The following PTGFRN variants were observed in gnomAD, a reference collection of about 807,000 sequenced individuals.
PTGFRN encodes the protein prostaglandin F2 receptor negative regulator.
A neutral mutation model predicts 83.2 loss-of-function variants in PTGFRN; 35 were observed. The ratio of observed to expected loss-of-function variants is 0.42; its 90% CI spans 0.32 to 0.56. The LOEUF (loss-of-function observed/expected upper bound fraction) is 0.56. Ranked by LOEUF, PTGFRN falls within the 20% of genes least tolerant of loss-of-function variation. The pLI, the probability that PTGFRN is intolerant of heterozygous loss-of-function variation, is 0.11. For synonymous variants in PTGFRN, 519 were observed against 498.6 expected (o/e 1.04, Z -0.55); for missense variants, 1,051 against 1,179.5 (o/e 0.89, Z 1.60).
Position 116,987,173 on chromosome 1 carries a change from T to G in PTGFRN, c.*206T>G. Reference sequence around the variant, plus strand: ...CACGGCTCTTCTTCCCACGGCACTTTCTGATGTAACAATCGAGTGTGTGTT... The same window carrying G: ...CACGGCTCTTCTTCCCACGGCACTTGCTGATGTAACAATCGAGTGTGTGTT... On this transcript the variant is annotated 3_prime_UTR_variant, in exon 9 of 9. Transcript: ENST00000393203. 1 of 551,044 alleles carries G rather than the reference T, an allele frequency of 1.8e-6. No homozygotes were observed. The highest frequency in any genetic ancestry group is 3.2e-6 in the Non-Finnish European group (1 of 312,414). The allele number at this position is 551,044 out of a possible 1,614,324, so 34.1% of individuals were successfully genotyped here. A position where few individuals can be genotyped will look rare whatever the true frequency, so the allele number is the denominator to read the frequency against.
chr1:116,971,856 A>G (rs1028252895), intron 6 of PTGFRN, among the ~76,000 whole-genome samples: 3 of 152,242 alleles, frequency 2.0e-5, no homozygotes, highest in African/African-American at 7.2e-5. Context: ...CAAATTAAAT[A>G]GATAATCCAT....
chr1:116,966,252 G>C (rs912215129), intron 5 of PTGFRN, among the ~76,000 whole-genome samples: 1 of 152,248 alleles, frequency 6.6e-6, no homozygotes, highest in African/African-American at 2.4e-5. Context: ...TAAAGTTAGC[G>C]TAGCCATAGA....
At chr1:116,944,639 G>A (rs538232527) in intron 2 of PTGFRN, 40 bp from the exon 3 acceptor site, 30 of 1,368,754 alleles carry the variant, frequency 2.2e-5, no homozygotes, top group Non-Finnish European at 2.7e-5. Flanking sequence ...GGCTGGGGTC[G>A]GTGTGGACGG....
In PTGFRN at chr1:116,984,994, G is replaced by A; in HGVS notation, c.2473+9G>A. On this transcript the variant is annotated intron_variant, in intron 8 of 8. Coordinates refer to ENST00000393203, the MANE Select transcript of PTGFRN (RefSeq NM_020440.4). Reference sequence around the variant, plus strand: ...AACTGTGAAGATGGATGGTAAGAATGTCACCCAAATTTCTCAGTGTTTGGG... The same window carrying A: ...AACTGTGAAGATGGATGGTAAGAATATCACCCAAATTTCTCAGTGTTTGGG... 5 of 1,608,974 alleles carry A rather than the reference G, an allele frequency of 3.1e-6. No individual in the cohort carries two copies. Among genetic ancestry groups the A allele is most frequent in the African/African-American group, 2.7e-5 (2 of 74,380 alleles).
chr1:116,970,257 T>C (rs1000913795), intron 6 of PTGFRN, among the ~76,000 whole-genome samples: 1 of 152,202 alleles, frequency 6.6e-6, no homozygotes, highest in Admixed American at 6.5e-5. Context: ...CTTTATCAGA[T>C]TGAGGAAGTT....
chr1:116,918,729 G>T lies in PTGFRN; in HGVS notation c.49+8477G>T, dbSNP rs540066059. Among the ~76,000 whole-genome samples the T allele has an allele frequency of 1.3e-5, 2 of 152,328 alleles. No individual in the cohort carries two copies. Among genetic ancestry groups the T allele is most frequent in the South Asian group, 2.1e-4 (1 of 4,820 alleles). On this transcript the variant is annotated intron_variant, in intron 1 of 8. Coordinates refer to ENST00000393203, the MANE Select transcript of PTGFRN (RefSeq NM_020440.4). The surrounding 1 kb of genome is among the most constrained non-coding windows in gnomAD (Gnocchi z 4.1). ...CAGTGAAGGATGGAGGATAGCATAG[G>T]TCTGTAGTAAAGGCAGTGGGCCTAG... is the stretch of plus-strand genomic sequence containing the variant.
At chr1:116,940,070 AC>A (rs1650022067) in intron 1 of PTGFRN, among the ~76,000 whole-genome samples, 2 of 152,290 alleles carry the variant, frequency 1.3e-5, no homozygotes, top group South Asian at 4.1e-4. Context: ...TTTCCTGGGA[AC>A]CCAGAATTTC....
At chr1:116,917,880 C>T (rs1243554719) in intron 1 of PTGFRN, among the ~76,000 whole-genome samples, 1 of 152,154 alleles carries the variant, frequency 6.6e-6, no homozygotes, top group Admixed American at 6.5e-5. Context: ...GCCTCAGCCT[C>T]CCAAAATATC....
chr1:116,975,660 G>A (rs578154929), intron 7 of PTGFRN, among the ~76,000 whole-genome samples: 1 of 152,352 alleles, frequency 6.6e-6, no homozygotes, highest in South Asian at 2.1e-4. Context: ...GCAGCTGAGG[G>A]TCCTGACTGT....
chr1:116,987,129 G>T lies in PTGFRN; in HGVS notation c.*162G>T. The T allele has an allele frequency of 1.3e-6, 1 of 762,026 alleles. No individual in the cohort carries two copies. The highest frequency in any genetic ancestry group is 1.7e-5 in the African/African-American group (1 of 57,168). 47.2% of individuals were successfully genotyped at this position (762,026 alleles called of 1,614,324 possible). A position where few individuals can be genotyped will look rare whatever the true frequency, so the allele number is the denominator to read the frequency against. Reference sequence around the variant, plus strand: ...CTTTTCTGCATGTCAAGTTCTGAGCGCGGACATGTTTACCAGCACACGGCT... The same window carrying T: ...CTTTTCTGCATGTCAAGTTCTGAGCTCGGACATGTTTACCAGCACACGGCT... On this transcript the variant is annotated 3_prime_UTR_variant, in exon 9 of 9. Coordinates refer to ENST00000393203, the MANE Select transcript of PTGFRN (RefSeq NM_020440.4).
Position 116,944,696 on chromosome 1 carries a change from C to T in PTGFRN, c.436C>T (p.His146Tyr). 2 of 1,427,934 alleles carry T rather than the reference C, an allele frequency of 1.4e-6. No homozygotes were observed. The highest frequency in any genetic ancestry group is 1.8e-6 in the Non-Finnish European group (2 of 1,094,894). 88.5% of individuals were successfully genotyped at this position (1,427,934 alleles called of 1,614,324 possible). ...VQVKVLADSL[H>Y]VGPSARPPPS... ...CTCCGCAGTGCTGGCCGACTCCCTG[C>T]ACGTGGGCCCCAGCGCGCGGCCCCC... is the stretch of plus-strand genomic sequence containing the variant. The change falls in exon 3 of 9, where the codon CAC becomes TAC. Residue 146 changes from histidine (H) to tyrosine (Y), a missense_variant. Coordinates refer to ENST00000393203, the MANE Select transcript of PTGFRN (RefSeq NM_020440.4).
intron 1 of PTGFRN, among the ~76,000 whole-genome samples, chr1:116,921,578 T>A (rs1001996566): frequency 1.3e-5 from 2 of 151,828 alleles, no homozygotes; most frequent in Non-Finnish European, 2.9e-5. Context: ...AATAAATTAT[T>A]TGTGTCCAAC....
At chr1:116,983,846 T>G (rs1291481437) in intron 7 of PTGFRN, among the ~76,000 whole-genome samples, 1 of 152,154 alleles carries the variant, frequency 6.6e-6, no homozygotes, top group Non-Finnish European at 1.5e-5. Flanking sequence ...GCTGGATGAA[T>G]CTCAGAGCCG....
chr1:116,981,645 A>G (rs1284346325), intron 7 of PTGFRN, among the ~76,000 whole-genome samples: 2 of 152,100 alleles, frequency 1.3e-5, no homozygotes, highest in African/African-American at 4.8e-5. Flanking sequence ...GTCAGCAAAT[A>G]TTTTCTGTAA....
intron 3 of PTGFRN, 64 bp downstream of exon 3, chr1:116,945,156 ACCGGG>A: frequency 6.5e-7 from 1 of 1,530,444 alleles, no homozygotes; most frequent in South Asian, 1.3e-5. Flanking sequence ...GATACAAAGA[ACCGGG>A]CCAGGGAGCC....
intron 5 of PTGFRN, among the ~76,000 whole-genome samples, chr1:116,963,489 G>A (rs1378642847): frequency 6.6e-6 from 1 of 152,198 alleles, no homozygotes; most frequent in Non-Finnish European, 1.5e-5. Context: ...TATGTCTTTG[G>A]TAATTCTCTC....
intron 6 of PTGFRN, among the ~76,000 whole-genome samples, chr1:116,971,030 AAATATAGT>A (rs1468448892): frequency 1.3e-5 from 2 of 152,238 alleles, no homozygotes; most frequent in Non-Finnish European, 2.9e-5. Context: ...GAAAATTTGA[AAATATAGT>A]AATGTAGAAA....
rs367593504 is a variant in PTGFRN at position 116,961,531 on chromosome 1, G to A, written c.1502G>A (p.Arg501Gln). ...GAACATACAGACACGTTCAATTTCC[G>A]GATCCAAAGGACTACAGAGGAAGAC... ...SKEHTDTFNF[R>Q]IQRTTEEDRG... Residue 501 changes from arginine to glutamine, a missense_variant, in exon 5 of 9, where the codon CGG becomes CAG. Physicochemically the swap from Arg to Gln is conservative, Grantham distance 43 (BLOSUM62 1). Transcript: ENST00000393203. The surrounding 1 kb of genome is among the most constrained non-coding windows in gnomAD (Gnocchi z 5.4). 2.2e-5 allele frequency: 36 copies of A among 1,613,982 alleles called. No individual in the cohort carries two copies. The highest frequency in any genetic ancestry group is 2.9e-5 in the Non-Finnish European group (34 of 1,180,024).
Position 116,941,638 on chromosome 1 carries a change from A to G in PTGFRN, c.50-77A>G. The G allele has an allele frequency of 6.6e-7, 1 of 1,518,434 alleles. No homozygotes were observed. The highest frequency in any genetic ancestry group is 2.3e-5 in the East Asian group (1 of 44,308). 94.1% of individuals were successfully genotyped at this position (1,518,434 alleles called of 1,614,324 possible). A position where few individuals can be genotyped will look rare whatever the true frequency, so the allele number is the denominator to read the frequency against. On this transcript the variant is annotated intron_variant, in intron 1 of 8. Coordinates refer to ENST00000393203, the MANE Select transcript of PTGFRN (RefSeq NM_020440.4). The surrounding 1 kb of genome is among the most constrained non-coding windows in gnomAD (Gnocchi z 5.0). ...TTCTGCCATGCCTGTGAGCAGGAGC[A>G]TCCACAGGTTTGCCACATTTGTCCT... is the stretch of plus-strand genomic sequence containing the variant.
Sources: allele counts gnomAD v4.1 joint callset (sites outside exome capture counted in the v4.1 genomes callset), GRCh38; gene constraint gnomAD v4.1.1; non-coding constraint Gnocchi (gnomAD v3.1); transcripts MANE v1.5; gene names NCBI Gene and HGNC (gene_info 2026-07-23, HGNC 2026-07-21).